The following GLP1R variants were observed in gnomAD, a reference collection of about 807,000 sequenced individuals.
The protein encoded by GLP1R is glucagon-like peptide 1 receptor.
A neutral mutation model predicts 68.4 loss-of-function variants in GLP1R; 32 were observed. That is an observed-to-expected ratio of 0.47 (90% CI 0.35 to 0.63). The LOEUF is 0.63. Among genes scored for constraint, GLP1R ranks in the 20% least tolerant of loss-of-function variants. GLP1R has a pLI of 0.00. For missense variants in GLP1R, 502 were observed against 594.9 expected (o/e 0.84, Z 1.62); for synonymous variants, 263 against 244.4 (o/e 1.08, Z -0.71).
rs1288519721 is a variant in GLP1R, at chr6:39,078,937, G to A, written c.885-20G>A. On this transcript the variant is annotated intron_variant, in intron 8 of 12. Transcript: ENST00000373256. ...TGTGAGTCCTGCTGGATGCATGTGT[G>A]CATCTCTCTCCCTCCCCAGCTGCTG... 3.1e-6 allele frequency: 5 copies of A among 1,607,132 alleles called. No individual in the cohort carries two copies. The African/African-American group carries it at 5.4e-5, about 17-fold the overall frequency.
chr6:39,056,654 G>A (rs981509480), intron 2 of GLP1R, among the ~76,000 whole-genome samples, 161 bp downstream of exon 2: 4 of 152,182 alleles, frequency 2.6e-5, no homozygotes, highest in African/African-American at 9.7e-5. Flanking sequence ...CCTTCACCTG[G>A]ATACCTTCCT....
intron 3 of GLP1R, among the ~76,000 whole-genome samples, chr6:39,058,314 G>A (rs1170669356): frequency 6.6e-6 from 1 of 152,106 alleles, no homozygotes; most frequent in African/African-American, 2.4e-5. Context: ...CTCTTTAGAG[G>A]TTCACTGGGA....
At chr6:39,060,736 A>G (rs963804075) in intron 3 of GLP1R, among the ~76,000 whole-genome samples, 1 of 152,206 alleles carries the variant, frequency 6.6e-6, no homozygotes, top group Non-Finnish European at 1.5e-5. Context: ...AGGCTTCTAG[A>G]GTTCAGAATG....
At chr6:39,085,799 T>A in intron 12 of GLP1R, 107 bp from the exon 13 acceptor site, 1 of 1,019,194 alleles carries the variant, frequency 9.8e-7, no homozygotes, top group Non-Finnish European at 1.5e-6. Flanking sequence ...TGTCTCTTAA[T>A]ATAATGCAGT....
At position 39,086,625 on chromosome 6, in the gene GLP1R, A is replaced by T. The variant is rs377280095; in HGVS notation, c.*552A>T. The stretch of plus-strand genomic sequence containing the variant: ...TGTGTCTGGGTTGCTTATTTCCCTC[A>T]TCTTGCCCCCTCATCTCACTGCCCA... On this transcript the variant is annotated 3_prime_UTR_variant, in exon 13 of 13. Transcript: ENST00000373256. This position sits in a 1 kb window ranked among gnomAD's most constrained non-coding sequence, Gnocchi z 4.5. The T allele has an allele frequency of 6.6e-6, 1 of 152,542 alleles. No individual in the cohort carries two copies. The highest frequency in any genetic ancestry group is 2.4e-5 in the African/African-American group (1 of 41,336). 9.4% of individuals were successfully genotyped at this position (152,542 alleles called of 1,614,324 possible).
rs965361317 is a variant in GLP1R at position 39,090,917 on chromosome 6, T to G, written c.*4844T>G. On this transcript the variant is annotated 3_prime_UTR_variant, in exon 13 of 13. Coordinates refer to ENST00000373256, the MANE Select transcript of GLP1R (RefSeq NM_002062.5). ...CCAGTGCTTGATCTTGCCAAACAGT[T>G]TACACTTTACCTCCAAACCTGCAGT... is the stretch of plus-strand genomic sequence containing the variant. Among the ~76,000 whole-genome samples, 3 of 152,080 alleles carry G rather than the reference T, an allele frequency of 2.0e-5. No individual in the cohort carries two copies. The highest frequency in any genetic ancestry group is 4.4e-5 in the Non-Finnish European group (3 of 68,016).
chr6:39,055,130 C>A (rs1768182712), intron 1 of GLP1R, among the ~76,000 whole-genome samples: 1 of 152,140 alleles, frequency 6.6e-6, no homozygotes. Context: ...GTGAGCAAGG[C>A]AACCCAAGTC....
chr6:39,068,632 C>T lies in GLP1R; in HGVS notation c.509+2329C>T, dbSNP rs59444579. On this transcript the variant is annotated intron_variant, in intron 5 of 12. Transcript: ENST00000373256. ...AGAGTTAGCACCACGTGAACACTGC[C>T]GAGGTTTACTGCTACGTCCTCCAGA... Among the ~76,000 whole-genome samples, 470 of 152,320 alleles carry T rather than the reference C, an allele frequency of 3.1e-3. 7 individuals are homozygous for T. The highest frequency in any genetic ancestry group is 0.016 in the East Asian group (85 of 5,192).
At chr6:39,071,959 C>G (rs1032459403) in intron 5 of GLP1R, among the ~76,000 whole-genome samples, 2 of 152,172 alleles carry the variant, frequency 1.3e-5, no homozygotes, top group African/African-American at 4.8e-5. Context: ...ATAAAATTCT[C>G]CATCGAGATC....
At chr6:39,059,324 A>G (rs1470686715) in intron 3 of GLP1R, among the ~76,000 whole-genome samples, 1 of 152,230 alleles carries the variant, frequency 6.6e-6, no homozygotes, top group Non-Finnish European at 1.5e-5. Flanking sequence ...CACAGCCATT[A>G]GTGGGCGACC....
chr6:39,069,399 C>T (rs144285292), intron 5 of GLP1R, among the ~76,000 whole-genome samples: 10,830 of 152,140 alleles, frequency 0.071, 532 homozygotes, highest in East Asian at 0.21. Context: ...TTTGGGAGGC[C>T]GAGGCAGGTG....
intron 1 of GLP1R, among the ~76,000 whole-genome samples, chr6:39,051,617 CT>C (rs1402251990): frequency 6.6e-6 from 1 of 152,144 alleles, no homozygotes; most frequent in Non-Finnish European, 1.5e-5. Context: ...CAGCCTGCCC[CT>C]AGGAAAATTC....
Position 39,079,287 on chromosome 6 carries a change from CT to C in GLP1R, c.1043+89del. 1 of 1,042,684 alleles carries C rather than the reference CT, an allele frequency of 9.6e-7. No individual in the cohort carries two copies. Among genetic ancestry groups the C allele is most frequent in the Non-Finnish European group, 1.5e-6 (1 of 664,990 alleles). 64.6% of individuals were successfully genotyped at this position (1,042,684 alleles called of 1,614,324 possible). A position where few individuals can be genotyped will look rare whatever the true frequency, so the allele number is the denominator to read the frequency against. ...AGAGAGAGAGAGAGATCCTGGGATG[CT>C]TAGCTTAGAGCCCTACACTACCCTC... On this transcript the variant is annotated intron_variant, in intron 10 of 12. Transcript: ENST00000373256. The surrounding 1 kb of genome is among the most constrained non-coding windows in gnomAD (Gnocchi z 4.5).
At chr6:39,077,083 C>T (rs768345882) in intron 7 of GLP1R, among the ~76,000 whole-genome samples, 79 of 152,194 alleles carry the variant, frequency 5.2e-4, no homozygotes, top group Admixed American at 3.5e-3. Flanking sequence ...CTTAAAACAA[C>T]GAACCATTGT....
chr6:39,056,585 A>G (rs921129024), intron 2 of GLP1R, 92 bp downstream of exon 2: 3 of 684,642 alleles, frequency 4.4e-6, no homozygotes, highest in Non-Finnish European at 8.0e-6. Flanking sequence ...GCTGGGAGCC[A>G]TTTGCCTCTA....
At chr6:39,076,075 C>T (rs1000617370) in intron 7 of GLP1R, among the ~76,000 whole-genome samples, 2 of 152,134 alleles carry the variant, frequency 1.3e-5, no homozygotes, top group Non-Finnish European at 1.5e-5. Flanking sequence ...GAAATGCTGA[C>T]GATGAGTGAA....
chr6:39,086,135 A>G lies in GLP1R; in HGVS notation c.*62A>G. The G allele has an allele frequency of 7.4e-7, 1 of 1,344,846 alleles. No individual in the cohort carries two copies. Among genetic ancestry groups the G allele is most frequent in the East Asian group, 2.3e-5 (1 of 43,366 alleles). 83.3% of individuals were successfully genotyped at this position (1,344,846 alleles called of 1,614,324 possible). On this transcript the variant is annotated 3_prime_UTR_variant, in exon 13 of 13. Transcript: ENST00000373256. This position sits in a 1 kb window ranked among gnomAD's most constrained non-coding sequence, Gnocchi z 4.5. Reference sequence around the variant, plus strand: ...AGGCCGGGTGGCCAATCCAGGTGGGAGAGACACTCCCAGGGACAAGGGAAG... The same window carrying G: ...AGGCCGGGTGGCCAATCCAGGTGGGGGAGACACTCCCAGGGACAAGGGAAG...
At chr6:39,085,854 T>A (rs779799480) in intron 12 of GLP1R, 52 bp from the exon 13 acceptor site, 29 of 1,558,894 alleles carry the variant, frequency 1.9e-5, no homozygotes, top group Non-Finnish European at 2.4e-5. Context: ...GGCCATTTTG[T>A]TAGCCATTGG....
intron 7 of GLP1R, among the ~76,000 whole-genome samples, chr6:39,075,740 C>T (rs2268646): frequency 0.15 from 23,006 of 152,214 alleles, 2,005 homozygotes; most frequent in Admixed American, 0.25. Context: ...CAACTTTCAG[C>T]TTCATGTGCA....
Sources: allele counts gnomAD v4.1 joint callset (sites outside exome capture counted in the v4.1 genomes callset), GRCh38; gene constraint gnomAD v4.1.1; non-coding constraint Gnocchi (gnomAD v3.1); transcripts MANE v1.5; gene names NCBI Gene and HGNC (gene_info 2026-07-23, HGNC 2026-07-21).